Variants in ACSF2 observed in about 807,000 individuals in gnomAD.
ACSF2 encodes the protein acyl-CoA synthetase family member 2, also known as medium-chain acyl-CoA ligase ACSF2, mitochondrial.
Under a neutral mutation model 79.3 loss-of-function variants are expected in ACSF2, and 52 were observed. The ratio of observed to expected loss-of-function variants is 0.66; its 90% CI spans 0.53 to 0.83. ACSF2 has a LOEUF of 0.83. Ranked by LOEUF, ACSF2 falls within the 40% of genes least tolerant of loss-of-function variation. ACSF2 has a pLI of 0.00. For missense variants in ACSF2, 661 were observed against 803.3 expected (o/e 0.82, Z 2.14); for synonymous variants, 283 against 312.6 (o/e 0.91, Z 1.00).
intron 1 of ACSF2, chr17:50,460,473 T>A (rs2032263627): frequency 1.7e-6 from 1 of 595,228 alleles, no homozygotes; most frequent in Non-Finnish European, 3.0e-6. Flanking sequence ...TGTAACCTTG[T>A]CCCTGTCCTG....
intron 1 of ACSF2, among the ~76,000 whole-genome samples, chr17:50,458,638 A>T (rs530733658): frequency 6.6e-6 from 1 of 152,232 alleles, no homozygotes; most frequent in East Asian, 1.9e-4. Flanking sequence ...CCAGACCCTT[A>T]TCTCTGCAAG....
At chr17:50,464,730 GCCATCCT>G in intron 10 of ACSF2, 1 of 371,590 alleles carries the variant, frequency 2.7e-6, no homozygotes, top group South Asian at 1.9e-5. Flanking sequence ...TGGGAGGGTG[GCCATCCT>G]GATGACCAAC....
At chr17:50,462,380 T>G in intron 5 of ACSF2, 40 bp from the exon 6 acceptor site, 10 of 1,099,202 alleles carry the variant, frequency 9.1e-6, no homozygotes, top group Non-Finnish European at 1.3e-5. Flanking sequence ...CCCTGCCCCC[T>G]CCCTCAGCCC....
In ACSF2 at chr17:50,426,277, G is replaced by C; in HGVS notation, c.16G>C (p.Gly6Arg). ...AAAGCGAGCCATGGCTGTCTACGTC[G>C]GGATGCTGCGCCTGGGGAGGCTGTG... MAVYV[G>R]MLRLGRLCAG... Residue 6 changes from glycine to arginine, a missense_variant, in exon 1 of 16, where the codon GGG becomes CGG. Transcript: ENST00000300441. The C allele has an allele frequency of 7.1e-7, 1 of 1,399,898 alleles. No homozygotes were observed. Among genetic ancestry groups the C allele is most frequent in the Admixed American group, 2.9e-5 (1 of 34,982 alleles). 86.7% of individuals were successfully genotyped at this position (1,399,898 alleles called of 1,614,324 possible). A position where few individuals can be genotyped will look rare whatever the true frequency, so the allele number is the denominator to read the frequency against.
chr17:50,444,007 G>A (rs1005254780), intron 1 of ACSF2, among the ~76,000 whole-genome samples: 20 of 152,110 alleles, frequency 1.3e-4, no homozygotes, highest in African/African-American at 4.8e-4. Context: ...TACTGCTTAT[G>A]AATATTCTTT....
intron 10 of ACSF2, chr17:50,468,293 C>T (rs749255823): frequency 6.2e-7 from 1 of 1,613,562 alleles, no homozygotes; most frequent in South Asian, 1.1e-5. Flanking sequence ...GTAGAGCCAG[C>T]GCAGGTCCTT....
intron 10 of ACSF2, chr17:50,468,989 C>T (rs1425970204): frequency 1.1e-5 from 15 of 1,366,304 alleles, no homozygotes; most frequent in Admixed American, 1.1e-4. Flanking sequence ...TCGCTCGCGC[C>T]CAGAGATGCG....
In ACSF2 at chr17:50,473,688, A is replaced by G. The variant is rs1057466328; in HGVS notation, c.1499A>G (p.Gln500Arg). ...WTGDVATMNE[Q>R]GFCKIVGRSK... ...AGAGATGTCGCCACAATGAATGAGC[A>G]GGGCTTCTGCAAGATCGTGGGCCGC... is the stretch of plus-strand genomic sequence containing the variant. Residue 500 changes from glutamine (Q) to arginine (R), a missense_variant, in exon 13 of 16, where the codon CAG (glutamine) becomes CGG (arginine). Coordinates refer to ENST00000300441, the MANE Select transcript of ACSF2 (RefSeq NM_025149.6). 1 of 1,614,228 alleles carries G rather than the reference A, an allele frequency of 6.2e-7. No homozygotes were observed. The highest frequency in any genetic ancestry group is 8.5e-7 in the Non-Finnish European group (1 of 1,180,046).
chr17:50,468,448 C>A, intron 10 of ACSF2: 1 of 1,614,048 alleles, frequency 6.2e-7, no homozygotes, highest in South Asian at 1.1e-5. Flanking sequence ...TCAGCTCGGT[C>A]AGGTCGTCGA....
chr17:50,461,715 G>A (rs756302379), intron 4 of ACSF2, 29 bp downstream of exon 4: 66 of 1,613,642 alleles, frequency 4.1e-5, no homozygotes, highest in East Asian at 1.8e-4. Context: ...GGAGGGGCCC[G>A]GCTGGGGCCT....
intron 1 of ACSF2, chr17:50,460,229 A>C (rs2032247566): frequency 2.2e-6 from 1 of 457,098 alleles, no homozygotes; most frequent in Non-Finnish European, 4.4e-6. Flanking sequence ...TGGCCCACCA[A>C]GGAGTCTAAA....
Position 50,429,752 on chromosome 17 carries a change from A to G in ACSF2, c.128+3363A>G, listed in dbSNP as rs1333604823. On this transcript the variant is annotated intron_variant, in intron 1 of 15. Coordinates refer to ENST00000300441, the MANE Select transcript of ACSF2 (RefSeq NM_025149.6). ...AGACTAGTCTCAAACTCCTGAACTC[A>G]AGTAATCCACCTGCCTCAGCCTCCT... is the stretch of plus-strand genomic sequence containing the variant. Among the ~76,000 whole-genome samples the G allele has an allele frequency of 2.0e-5, 3 of 152,246 alleles. 1 individual carries two copies. The East Asian group carries it at 5.8e-4, about 29-fold the overall frequency.
chr17:50,440,990 C>T (rs547413234), intron 1 of ACSF2, among the ~76,000 whole-genome samples: 6 of 152,346 alleles, frequency 3.9e-5, no homozygotes, highest in African/African-American at 7.2e-5. Context: ...GGGGCCATCC[C>T]GGGAGGGGCT....
chr17:50,457,564 T>C (rs771097019), intron 1 of ACSF2, among the ~76,000 whole-genome samples: 2 of 152,202 alleles, frequency 1.3e-5, no homozygotes, highest in Non-Finnish European at 2.9e-5. Flanking sequence ...AGGTTGGTAG[T>C]TGAGATGTGA....
At position 50,474,748 on chromosome 17, in the gene ACSF2, C is replaced by T; in HGVS notation, c.*196C>T. 1 of 582,764 alleles carries T rather than the reference C, an allele frequency of 1.7e-6. No individual in the cohort carries two copies. The highest frequency in any genetic ancestry group is 3.0e-5 in the East Asian group (1 of 33,806). 36.1% of individuals were successfully genotyped at this position (582,764 alleles called of 1,614,324 possible). A position where few individuals can be genotyped will look rare whatever the true frequency, so the allele number is the denominator to read the frequency against. On this transcript the variant is annotated 3_prime_UTR_variant, in exon 16 of 16. Transcript: ENST00000300441. The surrounding 1 kb of genome is among the most constrained non-coding windows in gnomAD (Gnocchi z 4.2). Reference sequence around the variant, plus strand: ...TGGGCACAAGGTGCCAAAAGGCAGGCAGCCTGCCCAGGCCCTCCCTCCTGT... The same window carrying T: ...TGGGCACAAGGTGCCAAAAGGCAGGTAGCCTGCCCAGGCCCTCCCTCCTGT...
chr17:50,471,670 C>T lies in ACSF2; in HGVS notation c.1323+535C>T. The T allele has an allele frequency of 6.1e-6, 1 of 164,026 alleles. No individual in the cohort carries two copies. The allele number at this position is 164,026 out of a possible 1,614,324, so 10.2% of individuals were successfully genotyped here. A position where few individuals can be genotyped will look rare whatever the true frequency, so the allele number is the denominator to read the frequency against. Reference sequence around the variant, plus strand: ...TTCCTGCTCCAACACTGGGGCTGTGCCAGCTGGCTCCTGATTTCCCCTGCA... The same window carrying T: ...TTCCTGCTCCAACACTGGGGCTGTGTCAGCTGGCTCCTGATTTCCCCTGCA... On this transcript the variant is annotated intron_variant, in intron 11 of 15. Coordinates refer to ENST00000300441, the MANE Select transcript of ACSF2 (RefSeq NM_025149.6). This position sits in a 1 kb window ranked among gnomAD's most constrained non-coding sequence, Gnocchi z 4.1.
intron 1 of ACSF2, among the ~76,000 whole-genome samples, chr17:50,429,995 C>T (rs980671712): frequency 3.3e-5 from 5 of 152,250 alleles, no homozygotes; most frequent in Admixed American, 2.6e-4. Context: ...GCTGAGCAGG[C>T]TTCCCCCAGA....
intron 1 of ACSF2, among the ~76,000 whole-genome samples, chr17:50,445,698 G>A (rs1290190393): frequency 6.6e-6 from 1 of 152,016 alleles, no homozygotes; most frequent in African/African-American, 2.4e-5. Flanking sequence ...CTACTCAGGA[G>A]GCTGGGATAG....
intron 4 of ACSF2, among the ~76,000 whole-genome samples, chr17:50,461,956 G>C (rs1018702034): frequency 1.3e-5 from 2 of 151,704 alleles, no homozygotes; most frequent in Non-Finnish European, 2.9e-5. Flanking sequence ...GTGTGTGCGT[G>C]TGTCCATCCT....
Sources: allele counts gnomAD v4.1 joint callset (sites outside exome capture counted in the v4.1 genomes callset), GRCh38; gene constraint gnomAD v4.1.1; non-coding constraint Gnocchi (gnomAD v3.1); transcripts MANE v1.5; gene names NCBI Gene and HGNC (gene_info 2026-07-23, HGNC 2026-07-21).